Variants in CDH1 observed in about 807,000 individuals in gnomAD.
CDH1 encodes cadherin-1.
Under a neutral mutation model 84.5 loss-of-function variants are expected in CDH1, and 35 were observed. The observed-to-expected ratio is 0.41, with a 90% CI of 0.32 to 0.55. The LOEUF (loss-of-function observed/expected upper bound fraction) is 0.55, where lower values mean the gene tolerates loss of function less well. Ranked by LOEUF, CDH1 falls within the 20% of genes least tolerant of loss-of-function variation. CDH1 has a pLI of 0.19. For missense variants in CDH1, 994 were observed against 1,126.6 expected, an observed-to-expected ratio of 0.88 and a Z score of 1.68; for synonymous variants, 417 against 439.0, an observed-to-expected ratio of 0.95 and a Z score of 0.63.
At position 68,737,308 on chromosome 16, in the gene CDH1, C is replaced by A; in HGVS notation, c.-108C>A. On this transcript the variant is annotated 5_prime_UTR_variant, in exon 1 of 16. Coordinates refer to ENST00000261769, the MANE Select transcript of CDH1 (RefSeq NM_004360.5). ...CCCCCTCTCAGTGGCGTCGGAACTG[C>A]AAAGCACCTGTGAGCTTGCGGAAGT... 2.1e-6 allele frequency: 2 copies of A among 938,458 alleles called. No individual in the cohort carries two copies. Among genetic ancestry groups the A allele is most frequent in the Non-Finnish European group, 3.2e-6 (2 of 631,734 alleles). The allele number at this position is 938,458 out of a possible 1,614,324, so 58.1% of individuals were successfully genotyped here.
intron 6 of CDH1, among the ~76,000 whole-genome samples, chr16:68,810,873 A>G (rs1275972745): frequency 6.6e-6 from 1 of 151,888 alleles, no homozygotes; most frequent in Non-Finnish European, 1.5e-5. Context: ...CTCAAAAAAA[A>G]AAAAATTTTT....
intron 2 of CDH1, among the ~76,000 whole-genome samples, chr16:68,748,376 G>A (rs1324375051): frequency 1.3e-5 from 2 of 152,140 alleles, no homozygotes; most frequent in African/African-American, 4.8e-5. Context: ...AAAGTGCTGG[G>A]ATTAGAGGCG....
chr16:68,769,117 A>C (rs192945597), intron 2 of CDH1, among the ~76,000 whole-genome samples: 2 of 152,222 alleles, frequency 1.3e-5, no homozygotes, highest in Admixed American at 1.3e-4. Context: ...TTTGAATATG[A>C]GCTCCTTGAG....
intron 11 of CDH1, 70 bp from the exon 12 acceptor site, chr16:68,821,920 ATCTAGACTTGG>A: frequency 8.9e-7 from 1 of 1,117,544 alleles, no homozygotes; most frequent in East Asian, 2.3e-5. Context: ...CCAGGACAAG[ATCTAGACTTGG>A]TCTGGTGGAA....
intron 2 of CDH1, among the ~76,000 whole-genome samples, chr16:68,801,053 G>A (rs1960483571): frequency 6.6e-6 from 1 of 151,258 alleles, no homozygotes; most frequent in Admixed American, 6.6e-5. Flanking sequence ...TAGTGTAGAT[G>A]CTTCAACCAC....
At chr16:68,764,227 C>G (rs1210284685) in intron 2 of CDH1, among the ~76,000 whole-genome samples, 1 of 152,164 alleles carries the variant, frequency 6.6e-6, no homozygotes, top group African/African-American at 2.4e-5. Context: ...TCAGATTTCT[C>G]TGAGGAGTCA....
intron 10 of CDH1, 132 bp from the exon 11 acceptor site, chr16:68,819,148 G>C: frequency 1.0e-6 from 1 of 1,002,960 alleles, no homozygotes; most frequent in South Asian, 1.4e-5. Context: ...GAGCCACCGC[G>C]ACCGGCCTAT....
chr16:68,815,397 C>A, intron 9 of CDH1, 118 bp from the exon 10 acceptor site: 1 of 1,326,314 alleles, frequency 7.5e-7, no homozygotes, highest in Non-Finnish European at 1.0e-6. Flanking sequence ...GCAGAAACCA[C>A]AGTTACTTTT....
intron 2 of CDH1, among the ~76,000 whole-genome samples, chr16:68,775,293 CTCCTGA>C (rs1248075357): frequency 6.6e-6 from 1 of 152,160 alleles, no homozygotes; most frequent in Non-Finnish European, 1.5e-5. Flanking sequence ...TAGTCTGCAT[CTCCTGA>C]ACCACAATGC....
chr16:68,752,794 C>T (rs919835020), intron 2 of CDH1, among the ~76,000 whole-genome samples: 4 of 152,140 alleles, frequency 2.6e-5, no homozygotes, highest in Non-Finnish European at 5.9e-5. Flanking sequence ...CTACCCCACA[C>T]TTCTGAGTGT....
intron 3 of CDH1, among the ~76,000 whole-genome samples, chr16:68,807,961 A>C (rs1248010627): frequency 6.6e-6 from 1 of 152,172 alleles, no homozygotes; most frequent in East Asian, 1.9e-4. Context: ...AGTCCCAGCT[A>C]CTCAGGAGGC....
rs559986718 is a variant in CDH1, at chr16:68,759,774, G to A, written c.163+21363G>A. On this transcript the variant is annotated intron_variant, in intron 2 of 15. Transcript: ENST00000261769. ...AGTGCTAGGATTATAGATTATAGGC[G>A]TGAGCCACCACGCCGGGCCTGACAA... Among the ~76,000 whole-genome samples the A allele has an allele frequency of 1.5e-4, 23 of 152,196 alleles. No homozygotes were observed. The South Asian group carries it at 1.7e-3, about 11-fold the overall frequency.
chr16:68,787,415 G>A (rs1419653461), intron 2 of CDH1, among the ~76,000 whole-genome samples: 2 of 152,140 alleles, frequency 1.3e-5, no homozygotes, highest in African/African-American at 4.8e-5. Flanking sequence ...CAACATAGGA[G>A]TCAATGTAAA....
intron 13 of CDH1, among the ~76,000 whole-genome samples, chr16:68,824,061 G>A (rs1003732629): frequency 6.3e-5 from 9 of 142,060 alleles, no homozygotes; most frequent in Admixed American, 3.0e-4. Flanking sequence ...GCAATGGTGT[G>A]ATCTCAGCTC....
At chr16:68,774,289 CCGAGTCGGGCAGATTACTTGAGGT>C (rs1422824610) in intron 2 of CDH1, among the ~76,000 whole-genome samples, 1 of 152,192 alleles carries the variant, frequency 6.6e-6, no homozygotes, top group Non-Finnish European at 1.5e-5. Context: ...CTTTGGGAGG[CCGAGTCGGGCAGATTACTTGAGGT>C]CAGGAGTTTG....
chr16:68,828,567 T>TCACA (rs1961392892), intron 14 of CDH1, among the ~76,000 whole-genome samples: 1 of 152,162 alleles, frequency 6.6e-6, no homozygotes, highest in Non-Finnish European at 1.5e-5. Flanking sequence ...TTGGCTAAGG[T>TCACA]CACACAGCTA....
At chr16:68,793,489 G>GGCTC (rs1370127654) in intron 2 of CDH1, among the ~76,000 whole-genome samples, 350 of 152,344 alleles carry the variant, frequency 2.3e-3, no homozygotes, top group African/African-American at 8.0e-3. Flanking sequence ...AGTACTAACA[G>GGCTC]ACAGGCTGCC....
At chr16:68,781,635 G>A (rs544576086) in intron 2 of CDH1, among the ~76,000 whole-genome samples, 2 of 152,000 alleles carry the variant, frequency 1.3e-5, no homozygotes, top group Admixed American at 6.6e-5. Context: ...CACCATGCCC[G>A]GCCAATTTTT....
At chr16:68,784,292 C>T (rs970455571) in intron 2 of CDH1, among the ~76,000 whole-genome samples, 5 of 152,086 alleles carry the variant, frequency 3.3e-5, no homozygotes, top group African/African-American at 9.7e-5. Flanking sequence ...GGTACAGTTC[C>T]GCCTCTGTGC....
Sources: allele counts gnomAD v4.1 joint callset (sites outside exome capture counted in the v4.1 genomes callset), GRCh38; gene constraint gnomAD v4.1.1; transcripts MANE v1.5; gene names NCBI Gene and HGNC (gene_info 2026-07-23, HGNC 2026-07-21).